TOM1: variants seen among roughly 807,000 people sequenced by gnomAD.
The protein encoded by TOM1 is target of myb1 membrane trafficking protein, also known as target of Myb protein 1.
Under a neutral mutation model 61.3 loss-of-function variants are expected in TOM1, and 38 were observed. The observed-to-expected ratio is 0.62, with a 90% confidence interval of 0.48 to 0.81. The LOEUF (loss-of-function observed/expected upper bound fraction) is 0.81. Ranked by LOEUF, TOM1 falls within the 40% of genes least tolerant of loss-of-function variation. TOM1 has a pLI of 0.00. For missense variants in TOM1, 591 were observed against 659.6 expected (o/e 0.90, Z 1.14); for synonymous variants, 270 against 268.8 (o/e 1.00, Z -0.04).
chr22:35,313,163 A>G (rs1207286788), intron 1 of TOM1, among the ~76,000 whole-genome samples: 8 of 152,120 alleles, frequency 5.3e-5, no homozygotes, highest in Admixed American at 5.2e-4. Context: ...CCTGACCAAC[A>G]TGGTGAAGCC....
At chr22:35,328,800 G>A (rs3885458) in intron 7 of TOM1, among the ~76,000 whole-genome samples, 15 of 152,218 alleles carry the variant, frequency 9.9e-5, no homozygotes, top group Non-Finnish European at 1.9e-4. Context: ...GGAGAAAGGC[G>A]TGCTGGCGTG....
intron 1 of TOM1, among the ~76,000 whole-genome samples, chr22:35,308,275 C>CTTTTTTT (rs138770): frequency 2.3e-5 from 3 of 129,442 alleles, no homozygotes; most frequent in Non-Finnish European, 3.3e-5. Context: ...TTCCTTTTCT[C>CTTTTTTT]TTTTTTTTTT....
intron 1 of TOM1, among the ~76,000 whole-genome samples, chr22:35,301,801 C>G (rs950570640): frequency 2.9e-5 from 3 of 104,618 alleles, no homozygotes; most frequent in African/African-American, 7.7e-5. Flanking sequence ...CAAAGGACCC[C>G]TGCCCTCCCC....
chr22:35,339,836 G>A (rs1456434867), intron 12 of TOM1, among the ~76,000 whole-genome samples: 3 of 151,412 alleles, frequency 2.0e-5, no homozygotes, highest in East Asian at 1.9e-4. Context: ...CCCAGGAGGC[G>A]GAGCTTGCAG....
At chr22:35,315,807 T>C (rs781095070) in intron 1 of TOM1, among the ~76,000 whole-genome samples, 5 of 152,184 alleles carry the variant, frequency 3.3e-5, no homozygotes, top group Non-Finnish European at 5.9e-5. Flanking sequence ...GAAACTGCCC[T>C]CCTCTGTCCT....
In TOM1 at chr22:35,345,741, C is replaced by A. The variant is rs758225957; in HGVS notation, c.1241C>A (p.Ala414Asp). Residue 414 changes from alanine (A) to aspartate (D), a missense_variant, in exon 13 of 15, where the codon GCC (alanine) becomes GAC (aspartate). Coordinates refer to ENST00000449058, the MANE Select transcript of TOM1 (RefSeq NM_005488.3). Reference sequence around the variant, plus strand: ...TCCTTCCAGATCCCAGTCACCCAGGCCTGCCTCATGGAGGACATCGAGCAG... The same window carrying A: ...TCCTTCCAGATCCCAGTCACCCAGGACTGCCTCATGGAGGACATCGAGCAG... ...QSTGAIPVTQ[A>D]CLMEDIEQWL... 1 of 1,614,056 alleles carries A rather than the reference C, an allele frequency of 6.2e-7. No individual in the cohort carries two copies.
chr22:35,328,920 A>G (rs554425541), intron 7 of TOM1, among the ~76,000 whole-genome samples: 29 of 152,278 alleles, frequency 1.9e-4, no homozygotes, highest in African/African-American at 4.8e-4. Context: ...TAATTGACCA[A>G]TCTTAAAAAT....
At chr22:35,319,514 A>G (rs1927590823) in intron 2 of TOM1, among the ~76,000 whole-genome samples, 1 of 152,226 alleles carries the variant, frequency 6.6e-6, no homozygotes, top group African/African-American at 2.4e-5. Flanking sequence ...GCAAGGCCAG[A>G]ACTTCCGATT....
intron 3 of TOM1, 61 bp from the exon 4 acceptor site, chr22:35,322,967 G>A (rs749378574): frequency 6.3e-7 from 1 of 1,586,072 alleles, no homozygotes; most frequent in South Asian, 1.1e-5. Flanking sequence ...ACGAGGGTGG[G>A]GGTTCTGAGC....
chr22:35,322,264 C>T (rs1477615158), intron 3 of TOM1: 4 of 513,438 alleles, frequency 7.8e-6, no homozygotes, highest in Non-Finnish European at 1.0e-5. Flanking sequence ...ACGCTTACAT[C>T]ACTCCAGAAC....
chr22:35,322,746 T>C, intron 3 of TOM1: 1 of 413,280 alleles, frequency 2.4e-6, no homozygotes, highest in Non-Finnish European at 4.3e-6. Context: ...CATGTTTAGC[T>C]CAGAGACAGC....
At chr22:35,339,853 G>C (rs1329651697) in intron 12 of TOM1, among the ~76,000 whole-genome samples, 1 of 150,416 alleles carries the variant, frequency 6.6e-6, no homozygotes, top group African/African-American at 2.4e-5. Context: ...GCAGTGAGCC[G>C]AGATCCCGCC....
chr22:35,338,918 C>G (rs887916408), intron 12 of TOM1, 130 bp downstream of exon 12: 9 of 839,186 alleles, frequency 1.1e-5, no homozygotes, highest in Middle Eastern at 3.7e-4. Context: ...GTTTGGCCGT[C>G]AGGTCGGTTC....
In TOM1 at chr22:35,310,577, G is replaced by A. The variant is rs78379716; in HGVS notation, c.53-7300G>A. Among the ~76,000 whole-genome samples the A allele has an allele frequency of 6.9e-3, 1,044 of 152,342 alleles. 26 individuals are homozygous for A. In the East Asian group the frequency reaches 0.084, roughly 12 times the overall value. On this transcript the variant is annotated intron_variant, in intron 1 of 14. Coordinates refer to ENST00000449058, the MANE Select transcript of TOM1 (RefSeq NM_005488.3). ...AAAAAAAAAATGTATTCAGAGGATT[G>A]CAAGTTGGAAGAAGGATTAGGATTT...
At position 35,322,032 on chromosome 22, in the gene TOM1, C is replaced by G. The variant is rs771257747; in HGVS notation, c.211C>G (p.Leu71Val). ...NKNFHEVMLA[L>V]TVLETCVKNC... ...GAACTTCCACGAGGTGATGCTGGCT[C>G]TCACAGTGAGTGCCCCATCTGTCTG... Residue 71 changes from leucine to valine, a missense_variant, in exon 3 of 15, where the codon CTC (leucine) becomes GTC (valine). Transcript: ENST00000449058. The G allele has an allele frequency of 4.3e-6, 7 of 1,614,120 alleles. No homozygotes were observed. The highest frequency in any genetic ancestry group is 5.1e-6 in the Non-Finnish European group (6 of 1,179,994).
chr22:35,327,755 G>A (rs1928465683), intron 7 of TOM1, among the ~76,000 whole-genome samples: 1 of 152,202 alleles, frequency 6.6e-6, no homozygotes, highest in Non-Finnish European at 1.5e-5. Flanking sequence ...AAGCTGGAAG[G>A]TGAGATTTAC....
chr22:35,302,358 TGC>T (rs1942736265), intron 1 of TOM1, among the ~76,000 whole-genome samples: 4 of 129,134 alleles, frequency 3.1e-5, no homozygotes, highest in East Asian at 2.3e-4. Context: ...TTTTTGAGAC[TGC>T]GTTTCGCTCT....
intron 1 of TOM1, 120 bp downstream of exon 1, chr22:35,300,100 C>CAA: frequency 9.0e-7 from 1 of 1,108,748 alleles, no homozygotes; most frequent in Middle Eastern, 2.6e-4. Context: ...TGGCGTGTAG[C>CAA]TCTCCGACCT....
At chr22:35,316,695 G>A (rs904271752) in intron 1 of TOM1, among the ~76,000 whole-genome samples, 7 of 152,178 alleles carry the variant, frequency 4.6e-5, no homozygotes, top group Non-Finnish European at 8.8e-5. Flanking sequence ...TAGAGGTGGT[G>A]GTGGTTGTAT....
Sources: gnomAD v4.1 joint callset for allele counts (sites outside exome capture counted in the v4.1 genomes callset) on GRCh38, gnomAD v4.1.1 for gene constraint, MANE v1.5 for transcripts, NCBI Gene and HGNC (gene_info 2026-07-23, HGNC 2026-07-21) for gene names.